ARNT2: variants seen among roughly 807,000 people sequenced by gnomAD.
The protein encoded by ARNT2 is ARNT protein 2.
A neutral mutation model predicts 91.7 loss-of-function variants in ARNT2; 36 were observed. The observed-to-expected ratio is 0.39, with a 90% CI of 0.30 to 0.52. The LOEUF (loss-of-function observed/expected upper bound fraction) is 0.52, where lower values mean the gene tolerates loss of function less well. Among genes scored for constraint, ARNT2 ranks in the 20% least tolerant of loss-of-function variants. The pLI, the probability that ARNT2 is intolerant of heterozygous loss-of-function variation, is 0.72. For missense variants in ARNT2, 775 were observed against 939.3 expected (o/e 0.83, Z 2.29); for synonymous variants, 365 against 347.1 (o/e 1.05, Z -0.57).
intron 2 of ARNT2, among the ~76,000 whole-genome samples, chr15:80,452,580 T>G (rs1373254239): frequency 6.6e-6 from 1 of 152,240 alleles, no homozygotes. Context: ...AATGTCTATG[T>G]GCACTCTAAC....
intron 1 of ARNT2, among the ~76,000 whole-genome samples, chr15:80,443,654 C>T (rs1194583868): frequency 6.6e-6 from 1 of 152,070 alleles, no homozygotes; most frequent in Non-Finnish European, 1.5e-5. Flanking sequence ...GGAGGAAGAA[C>T]AGGCAGAGGA....
chr15:80,459,010 T>A, intron 3 of ARNT2, among the ~76,000 whole-genome samples: 1 of 152,210 alleles, frequency 6.6e-6, no homozygotes, highest in East Asian at 1.9e-4. Flanking sequence ...GTAGCCATTT[T>A]TGGTGATGAT....
intron 8 of ARNT2, among the ~76,000 whole-genome samples, chr15:80,546,112 A>G (rs997119897): frequency 1.3e-5 from 2 of 152,252 alleles, no homozygotes; most frequent in Admixed American, 6.5e-5. Context: ...TTTGCTGCGT[A>G]TAACAGAAAA....
At chr15:80,541,079 T>G (rs1186473890) in intron 8 of ARNT2, among the ~76,000 whole-genome samples, 2 of 152,244 alleles carry the variant, frequency 1.3e-5, no homozygotes, top group Non-Finnish European at 2.9e-5. Context: ...CTTTCCACAG[T>G]GGCTGAACTA....
At position 80,404,415 on chromosome 15, in the gene ARNT2, G is replaced by A. The variant is rs1375515236; in HGVS notation, c.-101G>A. ...CCCGCGCCGTCCTTTGTGTGGCGGC[G>A]GCGGCGCCTGGGCCTGACCGGGTCC... is the stretch of plus-strand genomic sequence containing the variant. On this transcript the variant is annotated 5_prime_UTR_variant, in exon 1 of 19. Transcript: ENST00000303329. This position sits in a 1 kb window ranked among gnomAD's most constrained non-coding sequence, Gnocchi z 5.5. 5 of 736,856 alleles carry A rather than the reference G, an allele frequency of 6.8e-6. No homozygotes were observed. Among genetic ancestry groups the A allele is most frequent in the Non-Finnish European group, 8.4e-6 (5 of 593,248 alleles). The allele number at this position is 736,856 out of a possible 1,614,324, so 45.6% of individuals were successfully genotyped here.
At chr15:80,549,661 C>G (rs1322376129) in intron 8 of ARNT2, among the ~76,000 whole-genome samples, 1 of 152,192 alleles carries the variant, frequency 6.6e-6, no homozygotes, top group African/African-American at 2.4e-5. Context: ...GAAATCACTT[C>G]TCACCTGTCA....
At chr15:80,580,290 ACGTG>A in intron 15 of ARNT2, 117 bp from the exon 16 acceptor site, 1 of 1,262,936 alleles carries the variant, frequency 7.9e-7, no homozygotes, top group Non-Finnish European at 1.1e-6. Context: ...TTCTCTAGTG[ACGTG>A]CTGCATGGAG....
At chr15:80,575,580 G>C (rs1271274490) in intron 14 of ARNT2, among the ~76,000 whole-genome samples, 1 of 152,230 alleles carries the variant, frequency 6.6e-6, no homozygotes, top group East Asian at 1.9e-4. Context: ...TAAACAGCCA[G>C]CTGGGTCTTG....
At chr15:80,559,076 C>T (rs1230923849) in intron 11 of ARNT2, among the ~76,000 whole-genome samples, 2 of 152,184 alleles carry the variant, frequency 1.3e-5, no homozygotes, top group Admixed American at 6.5e-5. Flanking sequence ...AGAGCCCAGG[C>T]CTGTCTCCCT....
At chr15:80,407,429 C>A (rs544458598) in intron 1 of ARNT2, among the ~76,000 whole-genome samples, 3 of 152,268 alleles carry the variant, frequency 2.0e-5, no homozygotes, top group African/African-American at 7.2e-5. Flanking sequence ...TCAAGGTCCC[C>A]TGTTGGGGTT....
At chr15:80,405,813 A>G (rs1260417432) in intron 1 of ARNT2, among the ~76,000 whole-genome samples, 2 of 152,116 alleles carry the variant, frequency 1.3e-5, no homozygotes, top group Non-Finnish European at 2.9e-5. Flanking sequence ...ACTGAGGAGT[A>G]TGGACTTTCT....
intron 1 of ARNT2, among the ~76,000 whole-genome samples, chr15:80,415,142 A>T (rs1023269550): frequency 1.3e-5 from 2 of 152,210 alleles, no homozygotes; most frequent in Non-Finnish European, 2.9e-5. Flanking sequence ...CACAAACTGC[A>T]GGCCTTATTC....
intron 8 of ARNT2, among the ~76,000 whole-genome samples, chr15:80,516,856 T>TATATATATATATATATA (rs1897443726): frequency 7.3e-6 from 1 of 137,430 alleles, no homozygotes; most frequent in African/African-American, 2.7e-5. Context: ...TATATATATA[T>TATATATATATATATATA]CCATGTTCAA....
At chr15:80,468,479 C>CA (rs1896689326) in intron 3 of ARNT2, among the ~76,000 whole-genome samples, 1 of 152,114 alleles carries the variant, frequency 6.6e-6, no homozygotes, top group Admixed American at 6.5e-5. Context: ...GCCTCCTCAC[C>CA]ACCCTCAAAT....
intron 17 of ARNT2, among the ~76,000 whole-genome samples, chr15:80,585,183 CTT>C (rs1309383655): frequency 1.3e-5 from 2 of 152,184 alleles, no homozygotes; most frequent in African/African-American, 2.4e-5. Context: ...TGTTTCCAGT[CTT>C]AGTATCATTT....
chr15:80,597,514 G>A lies in ARNT2; in HGVS notation c.*3816G>A. 1 of 315,568 alleles carries A rather than the reference G, an allele frequency of 3.2e-6. No homozygotes were observed. Among genetic ancestry groups the A allele is most frequent in the Non-Finnish European group, 6.3e-6 (1 of 158,268 alleles). The allele number at this position is 315,568 out of a possible 1,614,324, so 19.5% of individuals were successfully genotyped here. The stretch of plus-strand genomic sequence containing the variant: ...CATCTGGAGTCTGGGGCAACTTAAG[G>A]AGGCACCACACAGTGGTGCAGGCAC... On this transcript the variant is annotated 3_prime_UTR_variant, in exon 19 of 19. Coordinates refer to ENST00000303329, the MANE Select transcript of ARNT2 (RefSeq NM_014862.4).
intron 5 of ARNT2, among the ~76,000 whole-genome samples, chr15:80,499,864 C>T (rs928512486): frequency 6.6e-6 from 1 of 152,140 alleles, no homozygotes; most frequent in African/African-American, 2.4e-5. Flanking sequence ...AGAGCTATTT[C>T]TCAAGAAAGC....
intron 5 of ARNT2, among the ~76,000 whole-genome samples, chr15:80,486,854 C>A (rs1254173736): frequency 6.6e-6 from 1 of 152,136 alleles, no homozygotes; most frequent in Non-Finnish European, 1.5e-5. Flanking sequence ...ATTTGATTTG[C>A]CCCACCATGT....
rs60257108 is a variant in ARNT2 at position 80,487,107 on chromosome 15, C to T, written c.622+11884C>T. On this transcript the variant is annotated intron_variant, in intron 5 of 18. Transcript: ENST00000303329. Reference sequence around the variant, plus strand: ...CTTGGAATTCAGTCGCCGTGCAGACCCAGGCAGGCAGTTGAATTCCTCCAG... The same window carrying T: ...CTTGGAATTCAGTCGCCGTGCAGACTCAGGCAGGCAGTTGAATTCCTCCAG... Among the ~76,000 whole-genome samples, 1,112 of 152,258 alleles carry T rather than the reference C, an allele frequency of 7.3e-3. 16 individuals are homozygous for T. The highest frequency in any genetic ancestry group is 0.026 in the African/African-American group (1,064 of 41,542).
Sources: gnomAD v4.1 joint callset for allele counts (sites outside exome capture counted in the v4.1 genomes callset) on GRCh38, gnomAD v4.1.1 for gene constraint, Gnocchi (gnomAD v3.1) non-coding constraint, MANE v1.5 for transcripts, NCBI Gene and HGNC (gene_info 2026-07-23, HGNC 2026-07-21) for gene names.